The following LRRC43 variants were observed in gnomAD, a reference collection of about 807,000 sequenced individuals.
LRRC43 encodes leucine-rich repeat-containing protein 43.
Under a neutral mutation model 64.3 loss-of-function variants are expected in LRRC43, and 62 were observed. The observed-to-expected ratio is 0.96, with a 90% confidence interval of 0.79 to 1.19. LRRC43 has a LOEUF of 1.19. LRRC43 is among the 50% of genes most tolerant of loss of function. LRRC43 has a pLI of 0.00. For synonymous variants in LRRC43, 422 were observed against 382.3 expected, an observed-to-expected ratio of 1.10 and a Z score of -1.21; for missense variants, 868 against 845.0, an observed-to-expected ratio of 1.03 and a Z score of -0.34.
upstream of LRRC43, among the ~76,000 whole-genome samples, chr12:122,178,258 C>T (rs986862639): frequency 3.3e-5 from 5 of 152,102 alleles, no homozygotes; most frequent in African/African-American, 1.2e-4. Flanking sequence ...TTACATGACC[C>T]CTCTATAGCA....
At chr12:122,186,638 G>A (rs1371678346) in intron 3 of LRRC43, among the ~76,000 whole-genome samples, 1 of 152,216 alleles carries the variant, frequency 6.6e-6, no homozygotes, top group African/African-American at 2.4e-5. Context: ...ATGTGGACAG[G>A]CCAGGCGCGG....
In LRRC43 at chr12:122,177,812, T is replaced by TTTTTTTTA. The variant is rs1555238117; in HGVS notation, c.-405-6704_-405-6703insTTTTATTT. Among the ~76,000 whole-genome samples the TTTTTTTTA allele has an allele frequency of 4.3e-5, 6 of 138,492 alleles. No homozygotes were observed. The South Asian group carries it at 7.3e-4, about 17-fold the overall frequency. The allele number at this position is 138,492 out of a possible 152,430, so 90.9% of individuals were successfully genotyped here. A position where few individuals can be genotyped will look rare whatever the true frequency, so the allele number is the denominator to read the frequency against. Reference sequence around the variant, plus strand: ...CCACTGCGCCTGGCCACCTTTGTGGTTTTATTTATTTATTTATTTATTTAT... The same window carrying TTTTTTTTA: ...CCACTGCGCCTGGCCACCTTTGTGGTTTTTTTTATTTATTTATTTATTTATTTATTTAT... On this transcript the variant is annotated intron_variant, in intron 1 of 5. Transcript: ENST00000537729.
At chr12:122,180,176 A>G (rs116467506), upstream of LRRC43, among the ~76,000 whole-genome samples, 2,118 of 152,172 alleles carry the variant, frequency 0.014, 45 homozygotes, top group South Asian at 0.1. Context: ...GAGTTTGAAT[A>G]AATTTTTGGT....
At chr12:122,182,107 G>C (rs1357958464), upstream of LRRC43, among the ~76,000 whole-genome samples, 1 of 152,036 alleles carries the variant, frequency 6.6e-6, no homozygotes, top group Non-Finnish European at 1.5e-5. Flanking sequence ...AAGCTTCATG[G>C]CTGGGCGTGG....
chr12:122,173,829 C>G, intron 1 of LRRC43: 1 of 1,610,732 alleles, frequency 6.2e-7, no homozygotes, highest in African/African-American at 1.3e-5. Context: ...GAAAAGAAAT[C>G]TCTAGGACAC....
In LRRC43 at chr12:122,187,847, C is replaced by G; in HGVS notation, c.662+7C>G. On this transcript the variant is annotated splice_region_variant and intron_variant, in intron 4 of 11. Coordinates refer to ENST00000339777, the MANE Select transcript of LRRC43 (RefSeq NM_001098519.2). The stretch of plus-strand genomic sequence containing the variant: ...ACGTCACCGCTAATCACTGGTAACT[C>G]GGGAGCCCAGATGGAAAGTGAGAGG... 1 of 1,613,664 alleles carries G rather than the reference C, an allele frequency of 6.2e-7. No homozygotes were observed. Among genetic ancestry groups the G allele is most frequent in the Non-Finnish European group, 8.5e-7 (1 of 1,179,772 alleles).
intron 7 of LRRC43, among the ~76,000 whole-genome samples, chr12:122,199,867 A>G (rs1953814781): frequency 6.6e-6 from 1 of 152,058 alleles, no homozygotes; most frequent in Non-Finnish European, 1.5e-5. Flanking sequence ...TAGAAGCCAG[A>G]GCCACCACGC....
Position 122,190,363 on chromosome 12 carries a change from A to G in LRRC43, c.896A>G (p.Asn299Ser). 2 of 1,612,474 alleles carry G rather than the reference A, an allele frequency of 1.2e-6. No homozygotes were observed. Among genetic ancestry groups the G allele is most frequent in the Admixed American group, 1.7e-5 (1 of 60,008 alleles). Residue 299 changes from asparagine to serine, a missense_variant, in exon 5 of 12, where the codon AAT becomes AGT. Asn to Ser is a conservative substitution (Grantham distance 46, BLOSUM62 1). Transcript: ENST00000339777. Reference sequence around the variant, plus strand: ...CATCTCTTCCGGGGGCTCAGCCTCAATGGCGGTGAGGGTACTGGCATGCAG... The same window carrying G: ...CATCTCTTCCGGGGGCTCAGCCTCAGTGGCGGTGAGGGTACTGGCATGCAG... ...EKHLFRGLSLNGDLLAQEAQF... is the reference protein window; with the variant it reads ...EKHLFRGLSLSGDLLAQEAQF...
chr12:122,174,129 A>G lies in LRRC43; in HGVS notation c.-406+6347A>G, dbSNP rs1328096317. On this transcript the variant is annotated intron_variant, in intron 1 of 5. Coordinates refer to the LRRC43 transcript ENST00000537729. The stretch of plus-strand genomic sequence containing the variant: ...CTGGTGAGATAAGATGATGCCCAAG[A>G]CTCCGGAAGCACCAGGACCAGTGAT... 1.9e-6 allele frequency: 3 copies of G among 1,613,838 alleles called. No individual in the cohort carries two copies. The East Asian group carries it at 6.7e-5, about 36-fold the overall frequency.
intron 1 of LRRC43, chr12:122,172,113 T>G: frequency 3.7e-6 from 1 of 272,826 alleles, no homozygotes; most frequent in South Asian, 5.4e-5. Flanking sequence ...ACAATAAATA[T>G]CAATAAATTA....
At position 122,184,402 on chromosome 12, in the gene LRRC43, A is replaced by G; in HGVS notation, c.151-117A>G. The G allele has an allele frequency of 7.5e-7, 1 of 1,336,716 alleles. No individual in the cohort carries two copies. Among genetic ancestry groups the G allele is most frequent in the South Asian group, 1.5e-5 (1 of 68,414 alleles). 82.8% of individuals were successfully genotyped at this position (1,336,716 alleles called of 1,614,324 possible). Reference sequence around the variant, plus strand: ...AGCCACCGCACCTGGCCTACTCTCTAGATTTCTAAACTCTATCCCTAATCG... The same window carrying G: ...AGCCACCGCACCTGGCCTACTCTCTGGATTTCTAAACTCTATCCCTAATCG... On this transcript the variant is annotated intron_variant, in intron 1 of 11. Coordinates refer to ENST00000339777, the MANE Select transcript of LRRC43 (RefSeq NM_001098519.2). The surrounding 1 kb of genome is among the most constrained non-coding windows in gnomAD (Gnocchi z 4.0).
intron 7 of LRRC43, among the ~76,000 whole-genome samples, chr12:122,193,850 G>A (rs959076291): frequency 1.3e-5 from 2 of 152,148 alleles, no homozygotes; most frequent in Admixed American, 6.5e-5. Context: ...GTCAGCCATC[G>A]CGCCCAGCCT....
intron 4 of LRRC43, among the ~76,000 whole-genome samples, chr12:122,188,239 T>A (rs948894989): frequency 6.6e-6 from 1 of 150,964 alleles, no homozygotes; most frequent in Admixed American, 6.6e-5. Context: ...CCCGAGTAGC[T>A]GGGACTACAG....
chr12:122,172,839 T>G, intron 1 of LRRC43: 2 of 925,572 alleles, frequency 2.2e-6, no homozygotes, highest in East Asian at 2.6e-5. Flanking sequence ...CCCGCCTCGT[T>G]GATATATTTA....
chr12:122,174,068 T>C, intron 1 of LRRC43: 1 of 1,613,784 alleles, frequency 6.2e-7, no homozygotes, highest in South Asian at 1.1e-5. Context: ...GCAGCCCTGC[T>C]GAGCCAACCC....
intron 1 of LRRC43, among the ~76,000 whole-genome samples, chr12:122,173,499 C>T (rs1018932708): frequency 1.1e-4 from 16 of 152,172 alleles, no homozygotes; most frequent in Non-Finnish European, 1.9e-4. Flanking sequence ...GCCTGGCCAA[C>T]GTGGAGAAAC....
chr12:122,186,445 A>C, intron 3 of LRRC43, 145 bp downstream of exon 3: 1 of 609,838 alleles, frequency 1.6e-6, no homozygotes, highest in Non-Finnish European at 2.9e-6. Context: ...TTTCCTAGAA[A>C]AGTTCAACAT....
At chr12:122,188,032 G>A in intron 4 of LRRC43, 192 bp downstream of exon 4, 1 of 582,244 alleles carries the variant, frequency 1.7e-6, no homozygotes, top group Middle Eastern at 4.7e-4. Context: ...GCCCGGGGAA[G>A]GAGAACAAGA....
upstream of LRRC43, among the ~76,000 whole-genome samples, chr12:122,178,332 C>T (rs568000639): frequency 3.3e-5 from 5 of 152,260 alleles, no homozygotes; most frequent in South Asian, 4.1e-4. Flanking sequence ...CCTGTAACAA[C>T]GTCATCCTGA....
Sources: gnomAD v4.1 joint callset for allele counts (sites outside exome capture counted in the v4.1 genomes callset) on GRCh38, gnomAD v4.1.1 for gene constraint, Gnocchi (gnomAD v3.1) non-coding constraint, MANE v1.5 for transcripts, NCBI Gene and HGNC (gene_info 2026-07-23, HGNC 2026-07-21) for gene names.